Variants in ATG12 observed in about 807,000 individuals in gnomAD.
ATG12 encodes the protein ubiquitin-like protein ATG12.
A neutral mutation model predicts 17.6 loss-of-function variants in ATG12; 19 were observed. The observed-to-expected ratio is 1.08, with a 90% confidence interval of 0.75 to 1.58. ATG12 has a LOEUF of 1.58. ATG12 is among the 40% of genes most tolerant of loss of function. The probability of loss-of-function intolerance (pLI) is 0.00; values close to 1 mark genes in which losing one functional copy is unlikely to be tolerated. For synonymous variants in ATG12, 75 were observed against 62.4 expected (o/e 1.20, Z -0.95); for missense variants, 214 against 162.0 (o/e 1.32, Z -1.74).
At chr5:115,836,429 G>A (rs7726368) in intron 2 of ATG12, among the ~76,000 whole-genome samples, 49,557 of 152,050 alleles carry the variant, frequency 0.33, 10,074 homozygotes, top group African/African-American at 0.56. Context: ...TAGCAAAGAT[G>A]CAGCCTCTGC....
At chr5:115,833,083 T>TGG (rs1760955248) in intron 2 of ATG12, 2 of 154,810 alleles carry the variant, frequency 1.3e-5, no homozygotes, top group African/African-American at 4.8e-5. Context: ...ACACTTTCCT[T>TGG]GGGTAAATGT....
chr5:115,836,897 C>G (rs923745585), intron 2 of ATG12, among the ~76,000 whole-genome samples: 1 of 152,164 alleles, frequency 6.6e-6, no homozygotes, highest in Non-Finnish European at 1.5e-5. Context: ...ACTACAACTG[C>G]CACTGTGAAG....
At position 115,837,701 on chromosome 5, in the gene ATG12, T is replaced by G. The variant is rs1216009974; in HGVS notation, c.227A>C (p.Glu76Ala). The G allele has an allele frequency of 6.2e-7, 1 of 1,613,392 alleles. No homozygotes were observed. Among genetic ancestry groups the G allele is most frequent in the Admixed American group, 1.7e-5 (1 of 59,772 alleles). Residue 76 changes from glutamate (E) to alanine (A), a missense_variant, in exon 2 of 4, where the codon GAG becomes GCG. Coordinates refer to ENST00000509910, the MANE Select transcript of ATG12 (RefSeq NM_004707.4). ...PIMKTKKWAV[E>A]RTRTIQGLID... ...GAGTCCTTGGATGGTTCGTGTTCGC[T>G]CTACTGCCCACTTCTTTGTTTTCAT... is the stretch of plus-strand genomic sequence containing the variant.
Position 115,831,782 on chromosome 5 carries a change from G to C in ATG12, c.*22C>G, listed in dbSNP as rs373241953. The C allele has an allele frequency of 2.5e-6, 4 of 1,608,634 alleles. No homozygotes were observed. Among genetic ancestry groups the C allele is most frequent in the Admixed American group, 1.7e-5 (1 of 59,710 alleles). On this transcript the variant is annotated 3_prime_UTR_variant, in exon 4 of 4. Coordinates refer to ENST00000509910, the MANE Select transcript of ATG12 (RefSeq NM_004707.4). ...CCGTGAAAATCCATTTCATGTAGTA[G>C]CAAGTTGATTTTCTTTGTGGTTCAT...
At chr5:115,832,756 G>A (rs1333346453) in intron 2 of ATG12, 92 bp from the exon 3 acceptor site, 19 of 1,232,796 alleles carry the variant, frequency 1.5e-5, no homozygotes, top group Non-Finnish European at 2.1e-5. Flanking sequence ...ATTTTGTATT[G>A]TTTTCACAAT....
Position 115,841,555 on chromosome 5 carries a change from T to G in ATG12, c.-3A>C. On this transcript the variant is annotated 5_prime_UTR_variant, in exon 1 of 4. Transcript: ENST00000509910. ...ACAGACTGCGGCTCCTCCGCCATCT[T>G]GCTTGGAGACACTCGAGAGCGGAAG... is the stretch of plus-strand genomic sequence containing the variant. 6.2e-7 allele frequency: 1 copy of G among 1,614,072 alleles called. No homozygotes were observed. The highest frequency in any genetic ancestry group is 1.3e-5 in the African/African-American group (1 of 75,050).
rs1760778512 is a variant in ATG12, at chr5:115,829,556, A to G, written c.*2248T>C. On this transcript the variant is annotated 3_prime_UTR_variant, in exon 4 of 4. Transcript: ENST00000509910. ...ACATATACTTTGTGTGCCATGGGTC[A>G]TCTATGCACAGTAAGATGAAGCATG... 1 of 152,236 alleles carries G rather than the reference A, an allele frequency of 6.6e-6. No homozygotes were observed. Among genetic ancestry groups the G allele is most frequent in the Non-Finnish European group, 1.5e-5 (1 of 68,040 alleles). 9.4% of individuals were successfully genotyped at this position (152,236 alleles called of 1,614,324 possible).
chr5:115,828,989 T>C lies in ATG12; in HGVS notation c.*2815A>G, dbSNP rs1479067947. ...GGATTTGAAAGGGTGAAGGTGTAAG[T>C]AAACTGCACGAGCAGAAGTAGATAA... On this transcript the variant is annotated 3_prime_UTR_variant, in exon 4 of 4. Transcript: ENST00000509910. 1 of 152,174 alleles carries C rather than the reference T, an allele frequency of 6.6e-6. No homozygotes were observed. Among genetic ancestry groups the C allele is most frequent in the Non-Finnish European group, 1.5e-5 (1 of 68,014 alleles). 9.4% of individuals were successfully genotyped at this position (152,174 alleles called of 1,614,324 possible).
At chr5:115,840,521 C>T in intron 1 of ATG12, 1 of 922,942 alleles carries the variant, frequency 1.1e-6, no homozygotes, top group Non-Finnish European at 1.5e-6. Flanking sequence ...TGGTCTCGAA[C>T]TCTTGACCTC....
At chr5:115,841,081 T>TCCCCCCCCCCCCCCCCCCC in intron 1 of ATG12, 1 of 171,314 alleles carries the variant, frequency 5.8e-6, no homozygotes, top group Non-Finnish European at 1.1e-5. Flanking sequence ...GAGACCCCCC[T>TCCCCCCCCCCCCCCCCCCC]CCCCCCGCCC....
At chr5:115,832,513 A>G in intron 3 of ATG12, 89 bp downstream of exon 3, 1 of 1,350,398 alleles carries the variant, frequency 7.4e-7, no homozygotes, top group Non-Finnish European at 9.7e-7. Flanking sequence ...ATACTACACA[A>G]TATACATATT....
intron 1 of ATG12, chr5:115,839,251 A>T (rs1330827413): frequency 6.6e-6 from 1 of 152,076 alleles, no homozygotes; most frequent in Non-Finnish European, 1.5e-5. Context: ...GGTATTAAAT[A>T]TTGGGGCCAA....
chr5:115,831,486 A>G lies in ATG12; in HGVS notation c.*318T>C. 2.8e-6 allele frequency: 1 copy of G among 354,404 alleles called. No individual in the cohort carries two copies. Among genetic ancestry groups the G allele is most frequent in the Non-Finnish European group, 5.1e-6 (1 of 196,794 alleles). 22.0% of individuals were successfully genotyped at this position (354,404 alleles called of 1,614,324 possible). On this transcript the variant is annotated 3_prime_UTR_variant, in exon 4 of 4. Transcript: ENST00000509910. ...TGAAAACAATTTCAGTCATTTTGAG[A>G]ACTGACAATGAAGATGTTTATACAG...
In ATG12 at chr5:115,829,606, C is replaced by T. The variant is rs1419316251; in HGVS notation, c.*2198G>A. 1 of 152,110 alleles carries T rather than the reference C, an allele frequency of 6.6e-6. No individual in the cohort carries two copies. The highest frequency in any genetic ancestry group is 1.5e-5 in the Non-Finnish European group (1 of 68,012). 9.4% of individuals were successfully genotyped at this position (152,110 alleles called of 1,614,324 possible). A position where few individuals can be genotyped will look rare whatever the true frequency, so the allele number is the denominator to read the frequency against. ...GATATTAATGACATCTATTTAGTCA[C>T]AAAGAAAATTTAAAATATCACCTGA... On this transcript the variant is annotated 3_prime_UTR_variant, in exon 4 of 4. Coordinates refer to ENST00000509910, the MANE Select transcript of ATG12 (RefSeq NM_004707.4).
intron 2 of ATG12, among the ~76,000 whole-genome samples, chr5:115,835,436 T>C (rs973592295): frequency 1.6e-4 from 24 of 152,198 alleles, no homozygotes; most frequent in African/African-American, 5.1e-4. Context: ...TTGTATACTA[T>C]TCAAAACGAT....
Position 115,829,741 on chromosome 5 carries a change from T to G in ATG12, c.*2063A>C, listed in dbSNP as rs927477975. ...ACTTATCGGATCCAGGCTTAATTAT[T>G]GTTTAATGTTGCAAATTTAGCGCAG... On this transcript the variant is annotated 3_prime_UTR_variant, in exon 4 of 4. Transcript: ENST00000509910. The G allele has an allele frequency of 5.3e-5, 8 of 152,322 alleles. No individual in the cohort carries two copies. The highest frequency in any genetic ancestry group is 1.9e-4 in the African/African-American group (8 of 41,578). 9.4% of individuals were successfully genotyped at this position (152,322 alleles called of 1,614,324 possible).
At chr5:115,832,418 G>T (rs971984939) in intron 3 of ATG12, among the ~76,000 whole-genome samples, 184 bp downstream of exon 3, 5 of 151,660 alleles carry the variant, frequency 3.3e-5, no homozygotes, top group African/African-American at 1.2e-4. Flanking sequence ...CAAGATGTTA[G>T]ATAACAGAAC....
chr5:115,836,650 C>T (rs1296653967), intron 2 of ATG12, among the ~76,000 whole-genome samples: 1 of 152,102 alleles, frequency 6.6e-6, no homozygotes, highest in Non-Finnish European at 1.5e-5. Flanking sequence ...CCCCCAGTGC[C>T]CCCAAAAATT....
chr5:115,830,689 AT>A lies in ATG12; in HGVS notation c.*1114del. ...GCCTAATAATTTTTTTTTAATTTTT[AT>A]TTTTTTGTAGAGTTGGGGATCTTGC... On this transcript the variant is annotated 3_prime_UTR_variant, in exon 4 of 4. Transcript: ENST00000509910. The A allele has an allele frequency of 6.6e-6, 1 of 151,524 alleles. No individual in the cohort carries two copies. Among genetic ancestry groups the A allele is most frequent in the Non-Finnish European group, 1.5e-5 (1 of 67,860 alleles). 9.4% of individuals were successfully genotyped at this position (151,524 alleles called of 1,614,324 possible). A position where few individuals can be genotyped will look rare whatever the true frequency, so the allele number is the denominator to read the frequency against.
Sources: allele counts gnomAD v4.1 joint callset (sites outside exome capture counted in the v4.1 genomes callset), GRCh38; gene constraint gnomAD v4.1.1; transcripts MANE v1.5; gene names NCBI Gene and HGNC (gene_info 2026-07-23, HGNC 2026-07-21).